The following GPD2 variants were observed in gnomAD, a reference collection of about 807,000 sequenced individuals.
The protein encoded by GPD2 is glycerol-3-phosphate dehydrogenase, mitochondrial.
A neutral mutation model predicts 82.4 loss-of-function variants in GPD2; 54 were observed. The observed-to-expected ratio is 0.66, with a 90% CI of 0.53 to 0.82. GPD2 has a LOEUF of 0.82. GPD2 is among the 40% of genes least tolerant of loss of function. The pLI is 0.00. For synonymous variants in GPD2, 288 were observed against 306.1 expected (o/e 0.94, Z 0.62); for missense variants, 748 against 896.2 (o/e 0.83, Z 2.11).
chr2:156,572,461 GCTT>G (rs1687675664), intron 13 of GPD2, among the ~76,000 whole-genome samples: 1 of 152,010 alleles, frequency 6.6e-6, no homozygotes, highest in Non-Finnish European at 1.5e-5. Context: ...TACCGCAATA[GCTT>G]CCCTCCCCTT....
intron 3 of GPD2, among the ~76,000 whole-genome samples, chr2:156,509,765 C>CTTCTTTT (rs778681179): frequency 8.5e-6 from 1 of 117,382 alleles, no homozygotes; most frequent in Non-Finnish European, 1.7e-5. Context: ...ATATGTTCTT[C>CTTCTTTT]TTTTTTTTTT....
Position 156,467,542 on chromosome 2 carries a change from G to A in GPD2, c.-8-8556G>A, listed in dbSNP as rs1042233334. Among the ~76,000 whole-genome samples, 7 of 152,170 alleles carry A rather than the reference G, an allele frequency of 4.6e-5. No homozygotes were observed. In the East Asian group the frequency reaches 1.2e-3, roughly 25 times the overall value. ...TTTACAACTATAGGTTGTTATTGTT[G>A]TGTTTGTGTGTTTTTGCTTTTGATA... On this transcript the variant is annotated intron_variant, in intron 1 of 16. Transcript: ENST00000438166.
At chr2:156,455,536 A>C (rs910695251) in intron 1 of GPD2, among the ~76,000 whole-genome samples, 3 of 152,184 alleles carry the variant, frequency 2.0e-5, no homozygotes, top group Non-Finnish European at 4.4e-5. Flanking sequence ...AGGATTACTC[A>C]TTCCACCCTA....
chr2:156,558,354 A>G (rs1687040084), intron 9 of GPD2, among the ~76,000 whole-genome samples: 1 of 152,142 alleles, frequency 6.6e-6, no homozygotes, highest in South Asian at 2.1e-4. Flanking sequence ...AGGCAGGTCC[A>G]TCAGCCACTT....
At chr2:156,570,046 G>T in intron 11 of GPD2, 41 bp from the exon 12 acceptor site, 1 of 1,589,350 alleles carries the variant, frequency 6.3e-7, no homozygotes, top group South Asian at 1.1e-5. Context: ...AGAAGCTATT[G>T]ATATTCAAAG....
rs186733591 is a variant in GPD2 at position 156,522,933 on chromosome 2, T to G, written c.661+9437T>G. Among the ~76,000 whole-genome samples, 15 of 135,414 alleles carry G rather than the reference T, an allele frequency of 1.1e-4. No homozygotes were observed. In the East Asian group the frequency reaches 3.0e-3, roughly 27 times the overall value. 88.8% of individuals were successfully genotyped at this position (135,414 alleles called of 152,430 possible). Reference sequence around the variant, plus strand: ...TTTTTTTTTTTCTTTTTAAAGACTTTACTTTTTTAGAGAAATTTTAGGTTC... The same window carrying G: ...TTTTTTTTTTTCTTTTTAAAGACTTGACTTTTTTAGAGAAATTTTAGGTTC... On this transcript the variant is annotated intron_variant, in intron 6 of 16. Transcript: ENST00000438166.
chr2:156,403,184 A>C, the GPD2 span, among the ~76,000 whole-genome samples: 1 of 150,836 alleles, frequency 6.6e-6, no homozygotes, highest in Non-Finnish European at 1.5e-5. Context: ...CTAGTGGCCT[A>C]CCTAAAGGCC....
In GPD2 at chr2:156,484,221, GC is replaced by G. The variant is rs763060613; in HGVS notation, c.102+8016del. Among the ~76,000 whole-genome samples, 292 of 151,880 alleles carry G rather than the reference GC, an allele frequency of 1.9e-3. 1 individual carries two copies. Among genetic ancestry groups the G allele is most frequent in the Non-Finnish European group, 3.4e-3 (228 of 67,914 alleles). On this transcript the variant is annotated intron_variant, in intron 2 of 16. Coordinates refer to ENST00000438166, the MANE Select transcript of GPD2 (RefSeq NM_000408.5). ...GGGATCTCGGCTCACTGCAACCTCTGCCTCCCGGGTTCAAGCAATTCTTCTT... is the reference window on the plus strand; with the variant it reads ...GGGATCTCGGCTCACTGCAACCTCTGCTCCCGGGTTCAAGCAATTCTTCTT...
chr2:156,402,881 T>G, the GPD2 span, among the ~76,000 whole-genome samples: 1 of 152,044 alleles, frequency 6.6e-6, no homozygotes, highest in Non-Finnish European at 1.5e-5. Context: ...GAATCTTAGA[T>G]TATTTAGTTC....
rs540115577 is a variant in GPD2 at position 156,523,586 on chromosome 2, A to T, written c.661+10090A>T. Among the ~76,000 whole-genome samples, 13 of 152,204 alleles carry T rather than the reference A, an allele frequency of 8.5e-5. No homozygotes were observed. In the South Asian group the frequency reaches 2.7e-3, roughly 32 times the overall value. On this transcript the variant is annotated intron_variant, in intron 6 of 16. Transcript: ENST00000438166. ...CCCCACTATAACAAATGTTTTATCC[A>T]TGGATATTTAGTCTGTATCTTTAAA...
chr2:156,424,476 T>A, the GPD2 span, among the ~76,000 whole-genome samples: 3 of 152,120 alleles, frequency 2.0e-5, no homozygotes, highest in South Asian at 6.2e-4. Flanking sequence ...ATCCTGCAAC[T>A]GCTCAAGGAC....
intron 1 of GPD2, among the ~76,000 whole-genome samples, chr2:156,456,330 G>A (rs953498274): frequency 1.3e-5 from 2 of 152,080 alleles, no homozygotes; most frequent in East Asian, 1.9e-4. Context: ...TGGGCCAGGC[G>A]CGGTGGCTCA....
the GPD2 span, among the ~76,000 whole-genome samples, chr2:156,418,652 G>A: frequency 6.6e-6 from 1 of 152,062 alleles, no homozygotes; most frequent in Admixed American, 6.6e-5. Context: ...AGGATAAAAG[G>A]CATTCAGATT....
chr2:156,510,705 T>A, intron 3 of GPD2, 91 bp from the exon 4 acceptor site: 1 of 1,019,918 alleles, frequency 9.8e-7, no homozygotes, highest in Non-Finnish European at 1.5e-6. Context: ...TAATTTTTCT[T>A]GTGATTGTCT....
At chr2:156,511,703 T>G (rs1453365381) in intron 4 of GPD2, among the ~76,000 whole-genome samples, 1 of 152,196 alleles carries the variant, frequency 6.6e-6, no homozygotes, top group African/African-American at 2.4e-5. Context: ...ATTTGTAAAA[T>G]TAGTGTTATA....
chr2:156,433,106 T>G (rs1416033887), upstream of GPD2, among the ~76,000 whole-genome samples: 3 of 152,336 alleles, frequency 2.0e-5, no homozygotes, highest in East Asian at 3.9e-4. Flanking sequence ...GACTGCAACT[T>G]GTTTCTAACC....
At chr2:156,409,977 T>C in the GPD2 span, among the ~76,000 whole-genome samples, 1 of 152,044 alleles carries the variant, frequency 6.6e-6, no homozygotes, top group Admixed American at 6.6e-5. Context: ...ACCCAGGAAT[T>C]TGAGGCTACA....
chr2:156,401,170 G>T, the GPD2 span, among the ~76,000 whole-genome samples: 43 of 152,076 alleles, frequency 2.8e-4, no homozygotes, highest in Non-Finnish European at 4.9e-4. Context: ...AATCGAACCC[G>T]GGCCTCCCGC....
chr2:156,449,036 C>T (rs1410493907), intron 1 of GPD2, among the ~76,000 whole-genome samples: 1 of 152,210 alleles, frequency 6.6e-6, no homozygotes, highest in Non-Finnish European at 1.5e-5. Flanking sequence ...ATTGCATTCT[C>T]ATCTGTATCA....
Sources: gnomAD v4.1 joint callset for allele counts (sites outside exome capture counted in the v4.1 genomes callset) on GRCh38, gnomAD v4.1.1 for gene constraint, MANE v1.5 for transcripts, NCBI Gene and HGNC (gene_info 2026-07-23, HGNC 2026-07-21) for gene names.